SYCP1: variants seen among roughly 807,000 people sequenced by gnomAD.
SYCP1 encodes the protein cancer/testis antigen 8.
A neutral mutation model predicts 153.1 loss-of-function variants in SYCP1; 64 were observed. The ratio of observed to expected loss-of-function variants is 0.42; its 90% CI spans 0.34 to 0.51. The LOEUF is 0.51. Among genes scored for constraint, SYCP1 ranks in the 20% least tolerant of loss-of-function variants. The pLI, the probability that SYCP1 is intolerant of heterozygous loss-of-function variation, is 0.06. For synonymous variants in SYCP1, 384 were observed against 341.8 expected, an observed-to-expected ratio of 1.12 and a Z score of -1.36; for missense variants, 997 against 1,049.0, an observed-to-expected ratio of 0.95 and a Z score of 0.68.
At chr1:114,912,073 G>A (rs1668220254) in intron 18 of SYCP1, among the ~76,000 whole-genome samples, 1 of 151,984 alleles carries the variant, frequency 6.6e-6, no homozygotes, top group Non-Finnish European at 1.5e-5. Flanking sequence ...CAGTATAGTG[G>A]TGGTGAGCAT....
rs367806990 is a variant in SYCP1 at position 114,905,586 on chromosome 1, T to C, written c.1321-4811T>C. Among the ~76,000 whole-genome samples, 14 of 152,316 alleles carry C rather than the reference T, an allele frequency of 9.2e-5. No homozygotes were observed. The East Asian group carries it at 2.5e-3, about 27-fold the overall frequency. On this transcript the variant is annotated intron_variant, in intron 16 of 31. Transcript: ENST00000369522. ...CAACATGGTAGATTAGCTTCCAAGA[T>C]AGAGTTGTTTTATGCTCCATAGAAG...
intron 12 of SYCP1, among the ~76,000 whole-genome samples, chr1:114,885,227 T>C (rs1570698539): frequency 6.6e-6 from 1 of 152,184 alleles, no homozygotes; most frequent in Admixed American, 6.5e-5. Flanking sequence ...GGCTACATGG[T>C]ATACCATCCC....
At position 114,857,249 on chromosome 1, in the gene SYCP1, G is replaced by A; in HGVS notation, c.211G>A (p.Val71Ile). The A allele has an allele frequency of 6.3e-7, 1 of 1,597,608 alleles. No individual in the cohort carries two copies. The highest frequency in any genetic ancestry group is 8.5e-7 in the Non-Finnish European group (1 of 1,171,040). ...TCTTGCAGATCCTGCTTTACAAAAA[G>A]TTAATTTCTTGCCCGTGCTTGAGCA... ...NIDSDPALQK[V>I]NFLPVLEQVG... The change falls in exon 4 of 32, where the codon GTT (valine) becomes ATT (isoleucine). Residue 71 changes from valine (V) to isoleucine (I), a missense_variant. Around this residue, in one of 2 missense-constraint regions of SYCP1, gnomAD observed 285 missense variants for 366.1 expected, o/e 0.78. Transcript: ENST00000369522.
intron 20 of SYCP1, among the ~76,000 whole-genome samples, chr1:114,917,614 TC>T (rs1275975456): frequency 6.6e-6 from 1 of 152,148 alleles, no homozygotes; most frequent in African/African-American, 2.4e-5. Context: ...TATGAGGGTT[TC>T]CTTTTTCTCT....
At chr1:114,918,147 GA>G (rs1668632071) in intron 20 of SYCP1, among the ~76,000 whole-genome samples, 2 of 151,978 alleles carry the variant, frequency 1.3e-5, no homozygotes, top group African/African-American at 4.8e-5. Context: ...GATCCATTTT[GA>G]TTTGATTTTT....
intron 7 of SYCP1, 76 bp downstream of exon 7, chr1:114,859,886 C>A: frequency 2.1e-6 from 1 of 476,620 alleles, no homozygotes; most frequent in Non-Finnish European, 3.2e-6. Flanking sequence ...TTTTCAAAAA[C>A]ATATTGAGCA....
intron 27 of SYCP1, among the ~76,000 whole-genome samples, chr1:114,949,023 A>G (rs1197555127): frequency 6.6e-6 from 1 of 152,178 alleles, no homozygotes; most frequent in Non-Finnish European, 1.5e-5. Context: ...GGAAGGTTTA[A>G]TAGGCTTGTG....
At chr1:114,932,657 AG>A (rs1669712981) in intron 23 of SYCP1, among the ~76,000 whole-genome samples, 1 of 152,198 alleles carries the variant, frequency 6.6e-6, no homozygotes, top group Non-Finnish European at 1.5e-5. Flanking sequence ...CCTAACCAAG[AG>A]AAGCCGTGAC....
chr1:114,859,788 G>A lies in SYCP1; in HGVS notation c.502G>A (p.Glu168Lys), dbSNP rs1448031602. 1 of 753,376 alleles carries A rather than the reference G, an allele frequency of 1.3e-6. No homozygotes were observed. The highest frequency in any genetic ancestry group is 1.9e-6 in the Non-Finnish European group (1 of 524,568). The allele number at this position is 753,376 out of a possible 1,614,324, so 46.7% of individuals were successfully genotyped here. Residue 168 changes from glutamate (E) to lysine (K), a missense_variant, in exon 7 of 32, where the codon GAA becomes AAA. Coordinates refer to ENST00000369522, the MANE Select transcript of SYCP1 (RefSeq NM_003176.4). ...TTTGAAATTAGAAGAAGGAATACAA[G>A]AAAATAAAGATTTAATAAAAGAGTA... ...VSLKLEEGIQ[E>K]NKDLIKENNA...
chr1:114,974,794 G>A (rs186049761), intron 27 of SYCP1, among the ~76,000 whole-genome samples: 1 of 151,910 alleles, frequency 6.6e-6, no homozygotes. Context: ...TAATGAATGT[G>A]AGTGTGCAAC....
rs1666241319 is a variant in SYCP1 at position 114,885,646 on chromosome 1, CATT to C, written c.1005+19_1005+21del. On this transcript the variant is annotated intron_variant, in intron 13 of 31. Coordinates refer to ENST00000369522, the MANE Select transcript of SYCP1 (RefSeq NM_003176.4). ...AGAAGTGTGGTATGATTTAAAAACT[CATT>C]AGTGTGTAATAAGTCTCACCCTATC... 1 of 1,404,202 alleles carries C rather than the reference CATT, an allele frequency of 7.1e-7. No individual in the cohort carries two copies. 87.0% of individuals were successfully genotyped at this position (1,404,202 alleles called of 1,614,324 possible). A position where few individuals can be genotyped will look rare whatever the true frequency, so the allele number is the denominator to read the frequency against.
At chr1:114,924,683 CA>C (rs1194142680) in intron 21 of SYCP1, among the ~76,000 whole-genome samples, 3 of 151,800 alleles carry the variant, frequency 2.0e-5, no homozygotes. Flanking sequence ...TAAGTAACTA[CA>C]AAAAATTCAT....
chr1:114,903,828 C>T (rs1342395973), intron 16 of SYCP1, among the ~76,000 whole-genome samples: 1 of 152,010 alleles, frequency 6.6e-6, no homozygotes. Flanking sequence ...ATGACATTAC[C>T]ATTTGTTTAA....
In SYCP1 at chr1:114,947,335, A is replaced by C. The variant is rs556462003; in HGVS notation, c.2322+15A>C. The C allele has an allele frequency of 6.3e-5, 100 of 1,599,058 alleles. No individual in the cohort carries two copies. The highest frequency in any genetic ancestry group is 8.2e-5 in the Non-Finnish European group (96 of 1,171,028). On this transcript the variant is annotated intron_variant, in intron 27 of 31. Transcript: ENST00000369522. The stretch of plus-strand genomic sequence containing the variant: ...GAGAAGAGAAGGTAGGTTTTTTGGC[A>C]TTATAGATAAAATGATTACAAGGTT...
chr1:114,854,728 T>G (rs1193470468), upstream of SYCP1: 3 of 152,198 alleles, frequency 2.0e-5, no homozygotes, highest in African/African-American at 7.2e-5. Flanking sequence ...CCTAAAGAAC[T>G]TCCACTCCAA....
At chr1:114,963,305 A>AT (rs2101890039) in intron 27 of SYCP1, among the ~76,000 whole-genome samples, 1 of 152,064 alleles carries the variant, frequency 6.6e-6, no homozygotes, top group African/African-American at 2.4e-5. Context: ...AGGAACACAA[A>AT]TTTTCTTAGG....
At chr1:114,949,123 C>G (rs1355158381) in intron 27 of SYCP1, among the ~76,000 whole-genome samples, 1 of 152,074 alleles carries the variant, frequency 6.6e-6, no homozygotes, top group Non-Finnish European at 1.5e-5. Flanking sequence ...GAAGCTGAGG[C>G]AGAAAATGAA....
chr1:114,863,363 C>T (rs1664505317), intron 8 of SYCP1, among the ~76,000 whole-genome samples: 1 of 152,026 alleles, frequency 6.6e-6, no homozygotes, highest in Non-Finnish European at 1.5e-5. Context: ...ACCAGCCTGG[C>T]CAACATGGTG....
intron 16 of SYCP1, among the ~76,000 whole-genome samples, chr1:114,896,829 C>T (rs769953664): frequency 1.3e-5 from 2 of 152,158 alleles, no homozygotes; most frequent in Non-Finnish European, 2.9e-5. Context: ...GTTCTTGTCA[C>T]ATGACCAGGA....
Sources: allele counts gnomAD v4.1 joint callset (sites outside exome capture counted in the v4.1 genomes callset), GRCh38; gene constraint gnomAD v4.1.1; regional missense constraint gnomAD v4.1.1; transcripts MANE v1.5; gene names NCBI Gene and HGNC (gene_info 2026-07-23, HGNC 2026-07-21).